The following PDLIM2 variants were observed in gnomAD, a reference collection of about 807,000 sequenced individuals.
PDLIM2 encodes PDZ and LIM domain protein 2.
In PDLIM2, 51 loss-of-function variants were observed where a neutral mutation model predicts 54.1. The ratio of observed to expected loss-of-function variants is 0.94; its 90% CI spans 0.75 to 1.19. The LOEUF (loss-of-function observed/expected upper bound fraction) is 1.19. Among genes scored for constraint, PDLIM2 ranks in the 50% most tolerant of loss-of-function variants. The pLI, the probability that PDLIM2 is intolerant of heterozygous loss-of-function variation, is 0.00. For synonymous variants in PDLIM2, 398 were observed against 385.6 expected (o/e 1.03, Z -0.38); for missense variants, 912 against 874.0 (o/e 1.04, Z -0.55).
At chr8:22,591,000 G>A (rs992995115) in intron 8 of PDLIM2, 30 of 161,528 alleles carry the variant, frequency 1.9e-4, no homozygotes, top group Non-Finnish European at 6.8e-5. Flanking sequence ...GGGTGAGAAG[G>A]TTTGGAGCAA....
chr8:22,589,837 G>C lies in PDLIM2; in HGVS notation c.1513+96G>C, dbSNP rs760813839. 5.3e-5 allele frequency: 79 copies of C among 1,481,288 alleles called. No individual in the cohort carries two copies. The East Asian group carries it at 1.9e-3, about 35-fold the overall frequency. The allele number at this position is 1,481,288 out of a possible 1,614,324, so 91.8% of individuals were successfully genotyped here. ...AGTGAACCAGTGTTCTTAAGTGCCT[G>C]TGAGGTGCTCACCCCAGGACTAGGC... is the stretch of plus-strand genomic sequence containing the variant. On this transcript the variant is annotated intron_variant, in intron 8 of 9. Coordinates refer to ENST00000308354, the Ensembl canonical transcript of PDLIM2.
At chr8:22,594,702 G>T, downstream of PDLIM2, 3 of 1,568,138 alleles carry the variant, frequency 1.9e-6, no homozygotes, top group Non-Finnish European at 2.6e-6. Context: ...GGCCCCCGGG[G>T]CCAGGTTGAT....
At chr8:22,594,941 A>C, downstream of PDLIM2, 2 of 285,894 alleles carry the variant, frequency 7.0e-6, no homozygotes. Flanking sequence ...AAACACAAAA[A>C]CAAATGAATG....
At chr8:22,588,136 T>A (rs1402568516) in intron 6 of PDLIM2, 2 of 152,362 alleles carry the variant, frequency 1.3e-5, no homozygotes, top group Non-Finnish European at 2.9e-5. Flanking sequence ...GTCCCAGCCC[T>A]GCCTCTGATG....
In PDLIM2 at chr8:22,584,902, C is replaced by A; in HGVS notation, c.1065+12C>A. The A allele has an allele frequency of 6.2e-7, 1 of 1,614,062 alleles. No homozygotes were observed. The highest frequency in any genetic ancestry group is 8.5e-7 in the Non-Finnish European group (1 of 1,179,968). ...CGACTCGCTTCCAGGTAAGCTGGTG[C>A]CCTCCCCTGACAGCCTCAGCACCCT... On this transcript the variant is annotated intron_variant, in intron 4 of 9. Transcript: ENST00000308354.
At chr8:22,594,677 G>A (rs778280304), downstream of PDLIM2, 10 of 1,595,296 alleles carry the variant, frequency 6.3e-6, no homozygotes, top group East Asian at 2.2e-5. Flanking sequence ...AGGACCGGCC[G>A]CCCACCAAGG....
At chr8:22,580,252 G>A (rs1586917507) in intron 1 of PDLIM2, 5 of 362,362 alleles carry the variant, frequency 1.4e-5, no homozygotes, top group Non-Finnish European at 2.6e-5. Context: ...TGGTGGAGGA[G>A]GGGAGACTGA....
chr8:22,594,635 C>T (rs746581851), downstream of PDLIM2: 2 of 1,613,284 alleles, frequency 1.2e-6, no homozygotes, highest in South Asian at 1.1e-5. Context: ...GAGACCCATC[C>T]AGCCAAGCTG....
intron 9 of PDLIM2, 191 bp from the exon 9 acceptor site, chr8:22,593,542 A>T: frequency 3.5e-6 from 2 of 576,518 alleles, no homozygotes; most frequent in Non-Finnish European, 6.0e-6. Flanking sequence ...ACACCATTGT[A>T]TTCCAGCCTG....
chr8:22,585,317 T>A lies in PDLIM2; in HGVS notation c.1212-4T>A. 1 of 1,612,966 alleles carries A rather than the reference T, an allele frequency of 6.2e-7. No homozygotes were observed. Among genetic ancestry groups the A allele is most frequent in the Non-Finnish European group, 8.5e-7 (1 of 1,179,872 alleles). On this transcript the variant is annotated splice_polypyrimidine_tract_variant and splice_region_variant and intron_variant, in intron 5 of 9. Transcript: ENST00000308354. ...GGCACACACTGTCCCTTTCCCACTT[T>A]CAGCTTCCAGAGTCTGGCATGTTCC...
At chr8:22,580,950 C>G in intron 2 of PDLIM2, 1 of 678,198 alleles carries the variant, frequency 1.5e-6, no homozygotes, top group South Asian at 1.5e-5. Flanking sequence ...GTTGCTATCC[C>G]CACACTTGCA....
intron 8 of PDLIM2, 191 bp downstream of exon 7, chr8:22,589,932 A>G (rs1391385407): frequency 5.1e-6 from 3 of 584,210 alleles, no homozygotes; most frequent in Admixed American, 3.4e-5. Context: ...AGGGTCCGGG[A>G]GGGTCACCAG....
Position 22,581,025 on chromosome 8 carries a change from T to C in PDLIM2, c.843+328T>C, listed in dbSNP as rs540152017. The C allele has an allele frequency of 3.5e-4, 231 of 656,348 alleles. No homozygotes were observed. The African/African-American group carries it at 4.0e-3, about 11-fold the overall frequency. The allele number at this position is 656,348 out of a possible 1,614,324, so 40.7% of individuals were successfully genotyped here. ...AGTTCTTGGCAGTCTCCTCTTGACC[T>C]GGGCCCAGGCTGGGAACATTCACAG... On this transcript the variant is annotated intron_variant, in intron 2 of 9. Transcript: ENST00000308354.
downstream of PDLIM2, chr8:22,594,783 A>G (rs2117374922): frequency 1.5e-6 from 2 of 1,371,264 alleles, no homozygotes; most frequent in Non-Finnish European, 1.9e-6. Flanking sequence ...GGAGGGGGGA[A>G]AAAGGGCAGG....
chr8:22,585,869 G>T (rs1800366542), intron 6 of PDLIM2, among the ~76,000 whole-genome samples: 1 of 150,892 alleles, frequency 6.6e-6, no homozygotes, highest in Admixed American at 6.6e-5. Flanking sequence ...CAGTGGGACT[G>T]CGGTTCTGCC....
chr8:22,591,473 A>G (rs1800543926), intron 8 of PDLIM2, 78 bp from the exon 8 acceptor site: 1 of 1,328,768 alleles, frequency 7.5e-7, no homozygotes, highest in Non-Finnish European at 1.1e-6. Context: ...GCTTTCCAAG[A>G]CCACCTCCTC....
rs368150612 is a variant in PDLIM2 at position 22,580,679 on chromosome 8, G to T, written c.825G>T (p.Thr275=). Residue 275 remains threonine (T), a synonymous_variant, in exon 2 of 10, where the codon ACG becomes ACT. Coordinates refer to ENST00000308354, the Ensembl canonical transcript of PDLIM2. ...TCACAGGGGGCAGGGATTTCCACAC[G>T]CCCATCATGGTGACTAAGGTAAGGA... 3.6e-5 allele frequency: 58 copies of T among 1,614,010 alleles called. No homozygotes were observed. In the East Asian group the frequency reaches 1.1e-3, roughly 32 times the overall value.
intron 6 of PDLIM2, among the ~76,000 whole-genome samples, chr8:22,586,897 G>A (rs1800395882): frequency 6.6e-6 from 1 of 152,210 alleles, no homozygotes; most frequent in Non-Finnish European, 1.5e-5. Context: ...AATTGGGCAT[G>A]GGGCTTGTGG....
intron 5 of PDLIM2, 47 bp downstream of exon 4, chr8:22,585,209 TC>T: frequency 6.2e-7 from 1 of 1,606,972 alleles, no homozygotes; most frequent in South Asian, 1.1e-5. Flanking sequence ...CGCTGCCAGC[TC>T]CAGGCTGGCT....
Sources: allele counts gnomAD v4.1 joint callset (sites outside exome capture counted in the v4.1 genomes callset), GRCh38; gene constraint gnomAD v4.1.1; transcripts MANE v1.5; gene names NCBI Gene and HGNC (gene_info 2026-07-23, HGNC 2026-07-21).